The following ELMOD3 variants were observed in gnomAD, a reference collection of about 807,000 sequenced individuals.
ELMOD3 encodes ELMO domain containing 3, also known as ELMO domain-containing protein 3.
ELMOD3 carries 36 observed loss-of-function variants against 47.4 expected under a neutral mutation model. The observed-to-expected ratio is 0.76, with a 90% CI of 0.58 to 1.00. ELMOD3 has a LOEUF of 1.00. Ranked by LOEUF, ELMOD3 falls within the 50% of genes least tolerant of loss-of-function variation. The probability of loss-of-function intolerance (pLI) is 0.00; values close to 1 mark genes in which losing one functional copy is unlikely to be tolerated. For synonymous variants in ELMOD3, 149 were observed against 183.5 expected, an observed-to-expected ratio of 0.81 and a Z score of 1.52; for missense variants, 404 against 463.8, an observed-to-expected ratio of 0.87 and a Z score of 1.18.
chr2:85,362,969 C>T (rs956542959), intron 5 of ELMOD3, 128 bp from the exon 6 acceptor site: 35 of 570,112 alleles, frequency 6.1e-5, no homozygotes, highest in South Asian at 5.3e-4. Context: ...TTCAGTCAAC[C>T]CATCAGGGCA....
chr2:85,366,531 A>G (rs1201243101), intron 6 of ELMOD3, among the ~76,000 whole-genome samples: 1 of 152,144 alleles, frequency 6.6e-6, no homozygotes, highest in African/African-American at 2.4e-5. Context: ...CTATGTTGAT[A>G]ATAATAGCTT....
intron 4 of ELMOD3, among the ~76,000 whole-genome samples, chr2:85,359,565 G>A (rs945858615): frequency 2.6e-5 from 4 of 151,446 alleles, no homozygotes; most frequent in Non-Finnish European, 2.9e-5. Context: ...GCACCACCAC[G>A]CCCGGTGTGC....
intron 11 of ELMOD3, chr2:85,387,119 GGAT>G (rs1244578970): frequency 7.7e-7 from 1 of 1,300,286 alleles, no homozygotes; most frequent in East Asian, 5.6e-5. Context: ...TCAAGGGAAG[GGAT>G]GATATTATGC....
At chr2:85,389,151 C>T (rs1290896103) in intron 11 of ELMOD3, among the ~76,000 whole-genome samples, 2 of 152,220 alleles carry the variant, frequency 1.3e-5, no homozygotes, top group Non-Finnish European at 2.9e-5. Context: ...CCCTGCCAGA[C>T]TCAGGCTGCC....
At chr2:85,368,882 T>C in intron 7 of ELMOD3, 128 bp downstream of exon 7, 1 of 905,642 alleles carries the variant, frequency 1.1e-6, no homozygotes, top group Non-Finnish European at 1.8e-6. Flanking sequence ...TCATTTTAAC[T>C]ATATAACATA....
Position 85,371,226 on chromosome 2 carries a change from C to T in ELMOD3, c.484+17C>T, listed in dbSNP as rs765982657. On this transcript the variant is annotated intron_variant, in intron 9 of 13. Transcript: ENST00000409013. Reference sequence around the variant, plus strand: ...TTGCTCAGTGTGAGTGCAATGCGAGCCCACAGGGCAGTTGCTGCATCTGTG... The same window carrying T: ...TTGCTCAGTGTGAGTGCAATGCGAGTCCACAGGGCAGTTGCTGCATCTGTG... 8.1e-6 allele frequency: 13 copies of T among 1,614,062 alleles called. No homozygotes were observed. The highest frequency in any genetic ancestry group is 3.3e-5 in the Admixed American group (2 of 59,976).
rs1033068746 is a variant in ELMOD3, at chr2:85,371,832, G to A, written c.607+270G>A. On this transcript the variant is annotated intron_variant, in intron 10 of 13. Coordinates refer to ENST00000409013, the MANE Select transcript of ELMOD3 (RefSeq NM_001135022.2). ...GCAGATTACTTGAGGTCCTGAGTTCGAGACCAGCCTGGCCAACATGATGAA... is the reference window on the plus strand; with the variant it reads ...GCAGATTACTTGAGGTCCTGAGTTCAAGACCAGCCTGGCCAACATGATGAA... 8 of 336,638 alleles carry A rather than the reference G, an allele frequency of 2.4e-5. 1 individual carries two copies. Among genetic ancestry groups the A allele is most frequent in the East Asian group, 1.4e-4 (2 of 13,856 alleles). The allele number at this position is 336,638 out of a possible 1,614,324, so 20.9% of individuals were successfully genotyped here.
At chr2:85,390,652 G>C in intron 13 of ELMOD3, 108 bp from the exon 14 acceptor site, 1 of 1,486,730 alleles carries the variant, frequency 6.7e-7, no homozygotes, top group Non-Finnish European at 8.9e-7. Context: ...TTCTCTCCAT[G>C]GGATAGGGGT....
In ELMOD3 at chr2:85,390,332, T is replaced by A. The variant is rs1040108552; in HGVS notation, c.943+67T>A. On this transcript the variant is annotated intron_variant, in intron 13 of 13. Coordinates refer to ENST00000409013, the MANE Select transcript of ELMOD3 (RefSeq NM_001135022.2). Reference sequence around the variant, plus strand: ...TGTCCCAGGTCCAGAGAGCCCAAGGTGGTTGCTAGACTGGTTTTGGCTGCA... The same window carrying A: ...TGTCCCAGGTCCAGAGAGCCCAAGGAGGTTGCTAGACTGGTTTTGGCTGCA... The A allele has an allele frequency of 1.2e-6, 2 of 1,613,938 alleles. No homozygotes were observed. The highest frequency in any genetic ancestry group is 2.7e-5 in the African/African-American group (2 of 74,860).
chr2:85,379,681 T>C (rs1341589199), intron 11 of ELMOD3, among the ~76,000 whole-genome samples: 1 of 152,234 alleles, frequency 6.6e-6, no homozygotes, highest in Non-Finnish European at 1.5e-5. Flanking sequence ...AGACAAATCA[T>C]GGTAGGACCG....
chr2:85,384,251 C>T (rs1193178865), intron 11 of ELMOD3, among the ~76,000 whole-genome samples: 2 of 152,164 alleles, frequency 1.3e-5, no homozygotes, highest in African/African-American at 4.8e-5. Context: ...TTGGGGAACC[C>T]AAGATATTTT....
intron 7 of ELMOD3, 149 bp downstream of exon 7, chr2:85,368,903 C>A (rs12104980): frequency 5.0e-6 from 4 of 801,272 alleles, no homozygotes; most frequent in Non-Finnish European, 8.1e-6. Flanking sequence ...GATTACAGTA[C>A]CTTTTTCAAA....
At chr2:85,374,126 T>C (rs183427484) in intron 10 of ELMOD3, among the ~76,000 whole-genome samples, 8 of 152,258 alleles carry the variant, frequency 5.3e-5, no homozygotes, top group Non-Finnish European at 1.5e-5. Flanking sequence ...CTGGCCTGCA[T>C]AGTTTCTGAT....
At chr2:85,365,254 C>G (rs1469629036) in intron 6 of ELMOD3, among the ~76,000 whole-genome samples, 1 of 151,206 alleles carries the variant, frequency 6.6e-6, no homozygotes, top group African/African-American at 2.4e-5. Context: ...CAAAAATTAG[C>G]CAGGAGAATC....
intron 8 of ELMOD3, among the ~76,000 whole-genome samples, 198 bp from the exon 9 acceptor site, chr2:85,370,888 T>A (rs1234217205): frequency 2.6e-5 from 4 of 152,176 alleles, no homozygotes; most frequent in Non-Finnish European, 5.9e-5. Flanking sequence ...TTGCAAAAAA[T>A]CTGGGAGCTG....
chr2:85,368,532 G>A, intron 6 of ELMOD3, 154 bp from the exon 7 acceptor site: 3 of 642,502 alleles, frequency 4.7e-6, no homozygotes, highest in Non-Finnish European at 8.2e-6. Flanking sequence ...TCATGCCTGT[G>A]AATAGCCACT....
At chr2:85,381,674 G>A (rs1036496154) in intron 11 of ELMOD3, among the ~76,000 whole-genome samples, 1 of 152,154 alleles carries the variant, frequency 6.6e-6, no homozygotes, top group Admixed American at 6.5e-5. Context: ...ATCAGCTCTT[G>A]CAATCTCATG....
chr2:85,369,733 C>T lies in ELMOD3; in HGVS notation c.269-6C>T, dbSNP rs1338559152. 9 of 1,612,918 alleles carry T rather than the reference C, an allele frequency of 5.6e-6. No individual in the cohort carries two copies. Among genetic ancestry groups the T allele is most frequent in the Non-Finnish European group, 7.6e-6 (9 of 1,179,426 alleles). On this transcript the variant is annotated splice_region_variant and splice_polypyrimidine_tract_variant and intron_variant, in intron 7 of 13. Transcript: ENST00000409013. ...AAATCCTGGCATGTCTTCCGTTTTG[C>T]CACAGGGAGCCAAGCTAGCTCAGAG...
intron 11 of ELMOD3, among the ~76,000 whole-genome samples, chr2:85,378,976 GAAC>G (rs1346222092): frequency 6.6e-6 from 1 of 152,134 alleles, no homozygotes; most frequent in Non-Finnish European, 1.5e-5. Flanking sequence ...ACAAACAAAA[GAAC>G]AATCCTGGAT....
Sources: gnomAD v4.1 joint callset for allele counts (sites outside exome capture counted in the v4.1 genomes callset) on GRCh38, gnomAD v4.1.1 for gene constraint, MANE v1.5 for transcripts, NCBI Gene and HGNC (gene_info 2026-07-23, HGNC 2026-07-21) for gene names.